Variants in RYR2 observed in about 807,000 individuals in gnomAD.
RYR2 encodes the protein ryanodine receptor 2.
A neutral mutation model predicts 601.1 loss-of-function variants in RYR2; 227 were observed. The observed-to-expected ratio is 0.38, with a 90% CI of 0.34 to 0.42. The LOEUF (loss-of-function observed/expected upper bound fraction) is 0.42, where lower values mean the gene tolerates loss of function less well. Among genes scored for constraint, RYR2 ranks in the 10% least tolerant of loss-of-function variants. RYR2 has a pLI of 1.00. For missense variants in RYR2, 4,646 were observed against 6,156.5 expected, an observed-to-expected ratio of 0.75 and a Z score of 8.21; for synonymous variants, 2,223 against 2,175.1, an observed-to-expected ratio of 1.02 and a Z score of -0.61.
chr1:237,643,476 C>A (rs766803273), intron 48 of RYR2, 29 bp downstream of exon 48: 1 of 1,613,412 alleles, frequency 6.2e-7, no homozygotes, highest in Non-Finnish European at 8.5e-7. Context: ...TGTCCTAATT[C>A]AGTAGGATGT....
intron 4 of RYR2, 41 bp from the exon 5 acceptor site, chr1:237,364,317 G>A: frequency 6.4e-7 from 1 of 1,554,328 alleles, no homozygotes; most frequent in African/African-American, 1.4e-5. Context: ...TTGAGATCGT[G>A]TCTATTTAAT....
intron 13 of RYR2, among the ~76,000 whole-genome samples, chr1:237,443,075 A>G (rs1416417455): frequency 6.6e-6 from 1 of 152,062 alleles, no homozygotes; most frequent in Non-Finnish European, 1.5e-5. Context: ...CTTTCCTCAC[A>G]GTGTTCTCCC....
chr1:237,512,298 T>C (rs1665995948), intron 24 of RYR2, among the ~76,000 whole-genome samples: 1 of 152,206 alleles, frequency 6.6e-6, no homozygotes, highest in African/African-American at 2.4e-5. Flanking sequence ...AATTTTATTG[T>C]ATTATATCAG....
At chr1:237,599,177 G>A (rs548885780) in intron 34 of RYR2, among the ~76,000 whole-genome samples, 1 of 152,156 alleles carries the variant, frequency 6.6e-6, no homozygotes, top group African/African-American at 2.4e-5. Context: ...ACTAAATGGG[G>A]GAAAAGTTGA....
chr1:237,656,326 T>G (rs2148824953), intron 53 of RYR2, among the ~76,000 whole-genome samples: 1 of 152,168 alleles, frequency 6.6e-6, no homozygotes, highest in South Asian at 2.1e-4. Context: ...ATATAACATC[T>G]TTTACTTAGG....
chr1:237,101,321 A>C (rs959942849), intron 1 of RYR2, among the ~76,000 whole-genome samples: 1 of 151,606 alleles, frequency 6.6e-6, no homozygotes, highest in African/African-American at 2.4e-5. Flanking sequence ...AAAAAAAAAA[A>C]AAACCTCACA....
At chr1:237,688,654 C>T (rs1223038951) in intron 63 of RYR2, among the ~76,000 whole-genome samples, 1 of 152,026 alleles carries the variant, frequency 6.6e-6, no homozygotes, top group Non-Finnish European at 1.5e-5. Flanking sequence ...AGAATAATTT[C>T]TAGTTCACTG....
At chr1:237,284,149 G>A (rs113012581) in intron 2 of RYR2, among the ~76,000 whole-genome samples, 2,089 of 152,218 alleles carry the variant, frequency 0.014, 44 homozygotes, top group African/African-American at 0.046. Flanking sequence ...TTGGGAGGCC[G>A]AGGCGGGTGG....
chr1:237,633,153 A>G (rs560731551), intron 42 of RYR2, among the ~76,000 whole-genome samples: 20 of 152,276 alleles, frequency 1.3e-4, no homozygotes, highest in Middle Eastern at 6.8e-3. Context: ...GTACTGAACT[A>G]TATATTTTTC....
intron 1 of RYR2, chr1:237,120,669 T>G (rs1670669575): frequency 6.6e-6 from 1 of 152,254 alleles, no homozygotes; most frequent in Admixed American, 6.5e-5. Context: ...CTCCTAGGTT[T>G]GTGGTGAGGC....
chr1:237,171,182 C>T (rs571836230), intron 1 of RYR2, among the ~76,000 whole-genome samples: 8 of 149,174 alleles, frequency 5.4e-5, no homozygotes, highest in African/African-American at 9.9e-5. Context: ...TGCAGTGAGC[C>T]GAGATTGCAC....
rs551140501 is a variant in RYR2 at position 237,436,454 on chromosome 1, C to CTTTTTTTTTTTTTTTTTTTT, written c.1006-4860_1006-4841dup. 4.6e-3 allele frequency among the ~76,000 whole-genome samples: 223 copies of CTTTTTTTTTTTTTTTTTTTT among 48,702 alleles called. 21 individuals carry two copies. The highest frequency in any genetic ancestry group is 5.7e-3 in the Non-Finnish European group (162 of 28,436). 32.0% of individuals were successfully genotyped at this position (48,702 alleles called of 152,430 possible). A position where few individuals can be genotyped will look rare whatever the true frequency, so the allele number is the denominator to read the frequency against. Reference sequence around the variant, plus strand: ...AGCCGAGGGATAATGTGTGATTTTCCTTTTTTTTTTTTTTTTTTTTTTTTG... The same window carrying CTTTTTTTTTTTTTTTTTTTT: ...AGCCGAGGGATAATGTGTGATTTTCCTTTTTTTTTTTTTTTTTTTTTTTTTTTTTTTTTTTTTTTTTTTTG... On this transcript the variant is annotated intron_variant, in intron 12 of 104. Coordinates refer to ENST00000366574, the MANE Select transcript of RYR2 (RefSeq NM_001035.3).
chr1:237,259,569 A>G (rs1688323716), intron 1 of RYR2, among the ~76,000 whole-genome samples: 1 of 150,750 alleles, frequency 6.6e-6, no homozygotes, highest in Non-Finnish European at 1.5e-5. Flanking sequence ...GTCACCTTGT[A>G]TAAAACCACA....
chr1:237,599,510 A>C (rs910380241), intron 34 of RYR2, among the ~76,000 whole-genome samples: 1 of 152,184 alleles, frequency 6.6e-6, no homozygotes, highest in African/African-American at 2.4e-5. Context: ...ATACAATCTC[A>C]GTTACAATAG....
intron 40 of RYR2, 98 bp downstream of exon 40, chr1:237,625,902 T>A (rs867546991): frequency 5.7e-5 from 79 of 1,386,778 alleles, no homozygotes; most frequent in Middle Eastern, 3.6e-4. Flanking sequence ...GTGAGATAAT[T>A]GAGTTTGCAA....
intron 3 of RYR2, among the ~76,000 whole-genome samples, chr1:237,351,134 T>TA (rs917107063): frequency 6.6e-6 from 1 of 152,136 alleles, no homozygotes; most frequent in African/African-American, 2.4e-5. Flanking sequence ...ATCAACGAGT[T>TA]AATCAAAATG....
chr1:237,368,462 C>T (rs971594122), intron 5 of RYR2, among the ~76,000 whole-genome samples: 29 of 152,086 alleles, frequency 1.9e-4, no homozygotes, highest in Non-Finnish European at 3.4e-4. Context: ...GTTTGGAGCA[C>T]AGGATGATTG....
chr1:237,047,895 AAC>A (rs1464260561), intron 1 of RYR2, among the ~76,000 whole-genome samples: 1 of 152,174 alleles, frequency 6.6e-6, no homozygotes, highest in Non-Finnish European at 1.5e-5. Context: ...TCTCTTGAAT[AAC>A]AGAGTCTGAA....
At chr1:237,487,144 T>C (rs1475139056) in intron 17 of RYR2, among the ~76,000 whole-genome samples, 1 of 152,132 alleles carries the variant, frequency 6.6e-6, no homozygotes, top group Non-Finnish European at 1.5e-5. Flanking sequence ...TTCACGACTA[T>C]AGCTATTTCT....
Sources: gnomAD v4.1 joint callset for allele counts (sites outside exome capture counted in the v4.1 genomes callset) on GRCh38, gnomAD v4.1.1 for gene constraint, MANE v1.5 for transcripts, NCBI Gene and HGNC (gene_info 2026-07-23, HGNC 2026-07-21) for gene names.